SEMA3C: variants seen among roughly 807,000 people sequenced by gnomAD.
The protein encoded by SEMA3C is semaphorin 3C.
SEMA3C carries 47 observed loss-of-function variants against 89.4 expected under a neutral mutation model. The ratio of observed to expected loss-of-function variants is 0.53; its 90% CI spans 0.42 to 0.67. SEMA3C has a LOEUF of 0.67. Among genes scored for constraint, SEMA3C ranks in the 30% least tolerant of loss-of-function variants. The pLI is 0.00. For synonymous variants in SEMA3C, 310 were observed against 320.2 expected (o/e 0.97, Z 0.34); for missense variants, 839 against 929.1 (o/e 0.90, Z 1.26).
At chr7:80,919,750 A>G (rs951607300), upstream of SEMA3C, among the ~76,000 whole-genome samples, 11 of 151,622 alleles carry the variant, frequency 7.3e-5, no homozygotes, top group Non-Finnish European at 1.2e-4. Context: ...CACCACGCCC[A>G]GCTAATTTTT....
At chr7:80,750,647 T>C (rs960958443) in intron 16 of SEMA3C, among the ~76,000 whole-genome samples, 7 of 151,632 alleles carry the variant, frequency 4.6e-5, no homozygotes, top group Non-Finnish European at 7.4e-5. Flanking sequence ...AAAGGACAAA[T>C]ATTGTATAAT....
In SEMA3C at chr7:80,748,756, G is replaced by C. The variant is rs1006750739; in HGVS notation, c.1842+142C>G. On this transcript the variant is annotated intron_variant, in intron 17 of 17. Coordinates refer to ENST00000265361, the MANE Select transcript of SEMA3C (RefSeq NM_006379.5). ...ATTCTTAAGGACAAAGGATTTTAAG[G>C]AAAGTGGCACTTGTCATCCCAAAGA... is the stretch of plus-strand genomic sequence containing the variant. The C allele has an allele frequency of 4.0e-6, 3 of 756,922 alleles. No homozygotes were observed. In the South Asian group the frequency reaches 6.4e-5, roughly 16 times the overall value. 46.9% of individuals were successfully genotyped at this position (756,922 alleles called of 1,614,324 possible).
At chr7:80,757,283 C>A (rs926414942) in intron 15 of SEMA3C, among the ~76,000 whole-genome samples, 3 of 152,210 alleles carry the variant, frequency 2.0e-5, no homozygotes, top group Non-Finnish European at 2.9e-5. Context: ...CCATCATGAC[C>A]TATGTCACTG....
At chr7:80,836,753 C>T (rs920322730) in intron 2 of SEMA3C, among the ~76,000 whole-genome samples, 3 of 152,188 alleles carry the variant, frequency 2.0e-5, no homozygotes, top group East Asian at 1.9e-4. Flanking sequence ...GTATCTCCCA[C>T]GCATTGCATC....
Position 80,789,643 on chromosome 7 carries a change from C to T in SEMA3C, c.1132-115G>A, listed in dbSNP as rs1286425240. On this transcript the variant is annotated intron_variant, in intron 11 of 17. Transcript: ENST00000265361. ...GAAGCTCCAGTTGTTTTAAGTATAT[C>T]TGCTACCTATGGAAGTGAAAAGAAA... 3.7e-5 allele frequency: 25 copies of T among 683,926 alleles called. No individual in the cohort carries two copies. The Admixed American group carries it at 7.4e-4, about 20-fold the overall frequency. 42.4% of individuals were successfully genotyped at this position (683,926 alleles called of 1,614,324 possible). A position where few individuals can be genotyped will look rare whatever the true frequency, so the allele number is the denominator to read the frequency against.
intron 12 of SEMA3C, among the ~76,000 whole-genome samples, chr7:80,774,116 C>G (rs1037633960): frequency 2.6e-5 from 4 of 152,128 alleles, no homozygotes; most frequent in African/African-American, 9.7e-5. Context: ...AGTTTGAGTC[C>G]TGTAAAACTG....
At chr7:80,893,212 G>A (rs1341192327) in intron 2 of SEMA3C, among the ~76,000 whole-genome samples, 1 of 151,998 alleles carries the variant, frequency 6.6e-6, no homozygotes, top group African/African-American at 2.4e-5. Flanking sequence ...GCCCTGTCAG[G>A]GCAACTTGTC....
chr7:80,912,157 G>A (rs1792168379), intron 2 of SEMA3C, among the ~76,000 whole-genome samples: 1 of 152,064 alleles, frequency 6.6e-6, no homozygotes, highest in Non-Finnish European at 1.5e-5. Context: ...TTTTAAACAG[G>A]AAAATATAGG....
rs1322011472 is a variant in SEMA3C, at chr7:80,745,152, C to G, written c.1998G>C (p.Met666Ile). Residue 666 changes from methionine to isoleucine, a missense_variant, in exon 18 of 18, where the codon ATG (methionine) becomes ATC (isoleucine). Physicochemically the swap from Met to Ile is conservative, Grantham distance 10. Coordinates refer to ENST00000265361, the MANE Select transcript of SEMA3C (RefSeq NM_006379.5). ...ACCATTTGTCCGTCACAACAGCCACCATTTCTGAATCTAAAACTTTGAAGT... is the reference window on the plus strand; with the variant it reads ...ACCATTTGTCCGTCACAACAGCCACGATTTCTGAATCTAAAACTTTGAAGT... ...KINFKVLDSE[M>I]VAVVTDKWSP... 1.9e-6 allele frequency: 3 copies of G among 1,614,016 alleles called. No homozygotes were observed. The South Asian group carries it at 3.3e-5, about 18-fold the overall frequency.
At chr7:80,911,243 T>C (rs1336514061) in intron 2 of SEMA3C, among the ~76,000 whole-genome samples, 3 of 152,222 alleles carry the variant, frequency 2.0e-5, no homozygotes, top group East Asian at 1.9e-4. Flanking sequence ...TTTCCTTTCA[T>C]TGTGATCTTT....
At position 80,842,994 on chromosome 7, in the gene SEMA3C, T is replaced by C. The variant is rs544705004; in HGVS notation, c.104-14249A>G. Among the ~76,000 whole-genome samples the C allele has an allele frequency of 8.5e-5, 13 of 152,244 alleles. No homozygotes were observed. In the East Asian group the frequency reaches 2.5e-3, roughly 29 times the overall value. ...TGTAAAATTAATTCAAGTTAGTACA[T>C]TTCCAGTCCAAAAATCAATTTAGCC... On this transcript the variant is annotated intron_variant, in intron 2 of 17. Coordinates refer to ENST00000265361, the MANE Select transcript of SEMA3C (RefSeq NM_006379.5).
intron 2 of SEMA3C, among the ~76,000 whole-genome samples, chr7:80,882,736 A>G (rs1791376113): frequency 1.3e-5 from 2 of 151,964 alleles, no homozygotes; most frequent in Non-Finnish European, 2.9e-5. Context: ...TTAATTGGAT[A>G]TATTCTTTTT....
intron 5 of SEMA3C, among the ~76,000 whole-genome samples, chr7:80,816,918 T>G (rs1789621165): frequency 6.6e-6 from 1 of 152,214 alleles, no homozygotes; most frequent in East Asian, 1.9e-4. Context: ...GAAAATAATT[T>G]TATTTGAAAT....
intron 3 of SEMA3C, among the ~76,000 whole-genome samples, chr7:80,827,976 A>G (rs555106678): frequency 6.7e-6 from 1 of 148,320 alleles, no homozygotes; most frequent in African/African-American, 2.5e-5. Flanking sequence ...CCTCTCTCTG[A>G]AATACTGTGC....
intron 2 of SEMA3C, among the ~76,000 whole-genome samples, chr7:80,873,863 G>A (rs1186419472): frequency 6.6e-6 from 1 of 152,154 alleles, no homozygotes; most frequent in African/African-American, 2.4e-5. Context: ...AGAAGCTCTA[G>A]TTAGGATGTT....
chr7:80,748,907 CCTGT>C lies in SEMA3C; in HGVS notation c.1829_1832del (p.Asp610GlyfsTer7). On this transcript the variant is annotated frameshift_variant, in exon 17 of 18. Transcript: ENST00000265361. LOFTEE classifies it high-confidence loss of function. Reference sequence around the variant, plus strand: ...GTGCTGCTTTACTCACCTCTTTCCTCCTGTCTTTGTCTTTCTGTAACAGCCACTT... The same window carrying C: ...GTGCTGCTTTACTCACCTCTTTCCTCCTTTGTCTTTCTGTAACAGCCACTT... 3 of 1,611,576 alleles carry C rather than the reference CCTGT, an allele frequency of 1.9e-6. No homozygotes were observed. Among genetic ancestry groups the C allele is most frequent in the Non-Finnish European group, 2.5e-6 (3 of 1,178,972 alleles).
In SEMA3C at chr7:80,744,637, A is replaced by G; in HGVS notation, c.*257T>C. On this transcript the variant is annotated 3_prime_UTR_variant, in exon 18 of 18. Coordinates refer to ENST00000265361, the MANE Select transcript of SEMA3C (RefSeq NM_006379.5). ...AGCCACCATATCGATTTTGAAGAAA[A>G]GGTGAATAAAGATATAAATAAAATC... is the stretch of plus-strand genomic sequence containing the variant. 2.1e-6 allele frequency: 1 copy of G among 478,944 alleles called. No individual in the cohort carries two copies. The highest frequency in any genetic ancestry group is 3.7e-6 in the Non-Finnish European group (1 of 270,662). The allele number at this position is 478,944 out of a possible 1,614,324, so 29.7% of individuals were successfully genotyped here. A position where few individuals can be genotyped will look rare whatever the true frequency, so the allele number is the denominator to read the frequency against.
intron 2 of SEMA3C, among the ~76,000 whole-genome samples, chr7:80,905,641 T>C (rs1294054535): frequency 1.3e-5 from 2 of 152,182 alleles, no homozygotes; most frequent in Non-Finnish European, 2.9e-5. Context: ...TTTGTAACTA[T>C]GATAAAGCTA....
At chr7:80,891,166 C>A (rs760996537) in intron 2 of SEMA3C, among the ~76,000 whole-genome samples, 3 of 152,150 alleles carry the variant, frequency 2.0e-5, no homozygotes, top group Admixed American at 6.5e-5. Flanking sequence ...AAATTTCAGA[C>A]ACACTCAGCA....
Sources: gnomAD v4.1 joint callset for allele counts (sites outside exome capture counted in the v4.1 genomes callset) on GRCh38, gnomAD v4.1.1 for gene constraint, MANE v1.5 for transcripts, NCBI Gene and HGNC (gene_info 2026-07-23, HGNC 2026-07-21) for gene names.